Variants in PCBP3 observed in about 807,000 individuals in gnomAD.
PCBP3 encodes the protein poly(rC) binding protein 3.
A neutral mutation model predicts 52.7 loss-of-function variants in PCBP3; 25 were observed. The ratio of observed to expected loss-of-function variants is 0.47; its 90% CI spans 0.35 to 0.66. PCBP3 has a LOEUF of 0.66. Ranked by LOEUF, PCBP3 falls within the 30% of genes least tolerant of loss-of-function variation. The pLI is 0.01. For synonymous variants in PCBP3, 162 were observed against 183.0 expected (o/e 0.89, Z 0.93); for missense variants, 391 against 490.3 (o/e 0.80, Z 1.91).
chr21:45,729,542 G>A (rs1198936382), intron 2 of PCBP3, among the ~76,000 whole-genome samples: 1 of 151,962 alleles, frequency 6.6e-6, no homozygotes, highest in Non-Finnish European at 1.5e-5. Context: ...GTTTCTCCAG[G>A]TCCTCACCAA....
intron 4 of PCBP3, among the ~76,000 whole-genome samples, chr21:45,786,003 C>T (rs1201814284): frequency 2.0e-5 from 3 of 149,870 alleles, no homozygotes; most frequent in South Asian, 2.2e-4. Flanking sequence ...TGCGGAAGGC[C>T]GCAGGGTCCT....
At chr21:45,910,411 GA>G in intron 10 of PCBP3, among the ~76,000 whole-genome samples, 1 of 151,958 alleles carries the variant, frequency 6.6e-6, no homozygotes, top group South Asian at 2.1e-4. Context: ...AGACAGCCCT[GA>G]GCCATCGGCC....
At chr21:45,766,813 T>C (rs1165796555) in intron 4 of PCBP3, among the ~76,000 whole-genome samples, 5 of 152,230 alleles carry the variant, frequency 3.3e-5, no homozygotes, top group Admixed American at 2.6e-4. Context: ...CCCTTAGGGC[T>C]TCATAGCCAG....
At chr21:45,691,252 A>G (rs2082444148) in intron 2 of PCBP3, among the ~76,000 whole-genome samples, 1 of 151,862 alleles carries the variant, frequency 6.6e-6, no homozygotes, top group East Asian at 1.9e-4. Flanking sequence ...AAGTCAGTAC[A>G]TATCATATGA....
chr21:45,745,360 G>C (rs2086750092), intron 3 of PCBP3, among the ~76,000 whole-genome samples: 1 of 152,192 alleles, frequency 6.6e-6, no homozygotes, highest in South Asian at 2.1e-4. Context: ...TATTTAATAA[G>C]GTCAGATGCT....
chr21:45,843,593 T>G (rs1294342721), intron 4 of PCBP3, among the ~76,000 whole-genome samples: 1 of 152,236 alleles, frequency 6.6e-6, no homozygotes, highest in Non-Finnish European at 1.5e-5. Flanking sequence ...ATGCAATAAT[T>G]TTATTATTGT....
chr21:45,788,881 CA>C lies in PCBP3; in HGVS notation c.-126+33430del, dbSNP rs1227371615. On this transcript the variant is annotated intron_variant, in intron 4 of 17. Transcript: ENST00000681687. This position sits in a 1 kb window ranked among gnomAD's most constrained non-coding sequence, Gnocchi z 4.3. ...GGCAGTTCTCCTCAGGTTAGAAACA[CA>C]GTGGAGCTAATGACACATTTCAGAA... is the stretch of plus-strand genomic sequence containing the variant. The C allele has an allele frequency of 6.6e-6, 1 of 152,210 alleles. No individual in the cohort carries two copies. Among genetic ancestry groups the C allele is most frequent in the Admixed American group, 6.5e-5 (1 of 15,286 alleles). The allele number at this position is 152,210 out of a possible 1,614,324, so 9.4% of individuals were successfully genotyped here. A position where few individuals can be genotyped will look rare whatever the true frequency, so the allele number is the denominator to read the frequency against.
intron 5 of PCBP3, among the ~76,000 whole-genome samples, chr21:45,887,569 C>T (rs1056071648): frequency 6.6e-6 from 1 of 152,234 alleles, no homozygotes; most frequent in African/African-American, 2.4e-5. Flanking sequence ...AGCTCTGTGG[C>T]ATGGGGGACA....
In PCBP3 at chr21:45,904,645, A is replaced by G. The variant is rs1166951198; in HGVS notation, c.339+3532A>G. Among the ~76,000 whole-genome samples the G allele has an allele frequency of 6.6e-6, 1 of 152,248 alleles. No homozygotes were observed. Among genetic ancestry groups the G allele is most frequent in the Non-Finnish European group, 1.5e-5 (1 of 68,042 alleles). ...TGCAAAATCAAGGAATTTTTTGGCAACTTTAAGGACCGTAGCTTTTAAACA... is the reference window on the plus strand; with the variant it reads ...TGCAAAATCAAGGAATTTTTTGGCAGCTTTAAGGACCGTAGCTTTTAAACA... On this transcript the variant is annotated intron_variant, in intron 9 of 17. Coordinates refer to ENST00000681687, the MANE Select transcript of PCBP3 (RefSeq NM_001384156.1). The surrounding 1 kb of genome is among the most constrained non-coding windows in gnomAD (Gnocchi z 4.8).
intron 4 of PCBP3, among the ~76,000 whole-genome samples, chr21:45,808,734 G>T (rs1358679035): frequency 1.3e-5 from 2 of 152,278 alleles, no homozygotes. Context: ...AAAGACACAT[G>T]CATGTGTATA....
chr21:45,796,708 A>G (rs897093382), intron 4 of PCBP3, among the ~76,000 whole-genome samples: 3 of 152,180 alleles, frequency 2.0e-5, no homozygotes, highest in African/African-American at 7.2e-5. Context: ...GCAATTAACA[A>G]ATACTTGATT....
chr21:45,909,515 T>C (rs2096283630), intron 10 of PCBP3, 29 bp downstream of exon 10: 1 of 1,607,340 alleles, frequency 6.2e-7, no homozygotes, highest in Middle Eastern at 1.7e-4. Flanking sequence ...CCTGGGCCGC[T>C]GCGGAGCCTC....
intron 13 of PCBP3, chr21:45,918,473 G>C (rs9975743): frequency 1.5e-5 from 1 of 64,552 alleles, no homozygotes; most frequent in African/African-American, 8.0e-5. Flanking sequence ...TCAGATAAAC[G>C]GTCGGTGTAA....
chr21:45,913,637 G>A (rs1245180530), intron 11 of PCBP3, among the ~76,000 whole-genome samples: 7 of 152,188 alleles, frequency 4.6e-5, no homozygotes, highest in African/African-American at 1.4e-4. Context: ...CTGACTCTCC[G>A]CACTGCCACA....
chr21:45,656,424 A>G lies in PCBP3; in HGVS notation c.-278-12450A>G, dbSNP rs1280041796. ...AACCAAACACCGCATGTTCTCACTCATAAGTGGGAGTTGAACAATGAGAAC... is the reference window on the plus strand; with the variant it reads ...AACCAAACACCGCATGTTCTCACTCGTAAGTGGGAGTTGAACAATGAGAAC... On this transcript the variant is annotated intron_variant, in intron 1 of 17. Coordinates refer to ENST00000681687, the MANE Select transcript of PCBP3 (RefSeq NM_001384156.1). The surrounding 1 kb of genome is among the most constrained non-coding windows in gnomAD (Gnocchi z 4.3). 2.0e-5 allele frequency among the ~76,000 whole-genome samples: 3 copies of G among 152,066 alleles called. No homozygotes were observed. The highest frequency in any genetic ancestry group is 7.3e-5 in the African/African-American group (3 of 41,366).
rs186158719 is a variant in PCBP3 at position 45,867,090 on chromosome 21, G to A, written c.10+16995G>A. Among the ~76,000 whole-genome samples the A allele has an allele frequency of 3.0e-3, 455 of 152,354 alleles. 1 individual carries two copies. Among genetic ancestry groups the A allele is most frequent in the African/African-American group, 0.01 (419 of 41,586 alleles). On this transcript the variant is annotated intron_variant, in intron 5 of 17. Coordinates refer to ENST00000681687, the MANE Select transcript of PCBP3 (RefSeq NM_001384156.1). ...ATTCAAAAACACGGTTTAGTACTCT[G>A]CCACACACCGAACGCAACGCCACAG...
chr21:45,914,281 G>C, intron 12 of PCBP3: 1 of 578,494 alleles, frequency 1.7e-6, no homozygotes, highest in Non-Finnish European at 2.9e-6. Context: ...ATCTGGCTCT[G>C]CCTAAATCCA....
At chr21:45,720,818 T>C (rs2148313628) in intron 2 of PCBP3, among the ~76,000 whole-genome samples, 1 of 152,340 alleles carries the variant, frequency 6.6e-6, no homozygotes, top group East Asian at 1.9e-4. Flanking sequence ...TTAGACCAGT[T>C]AGTCTGGGAC....
intron 5 of PCBP3, among the ~76,000 whole-genome samples, chr21:45,855,308 C>T (rs181403425): frequency 6.6e-6 from 1 of 152,170 alleles, no homozygotes; most frequent in Middle Eastern, 3.2e-3. Flanking sequence ...CAGACGCAGG[C>T]TCCGGAAGCC....
Sources: gnomAD v4.1 joint callset for allele counts (sites outside exome capture counted in the v4.1 genomes callset) on GRCh38, gnomAD v4.1.1 for gene constraint, Gnocchi (gnomAD v3.1) non-coding constraint, MANE v1.5 for transcripts, NCBI Gene and HGNC (gene_info 2026-07-23, HGNC 2026-07-21) for gene names.